FSHR: variants seen among roughly 807,000 people sequenced by gnomAD.
FSHR encodes the protein follicle stimulating hormone receptor.
A neutral mutation model predicts 52.1 loss-of-function variants in FSHR; 46 were observed. The ratio of observed to expected loss-of-function variants is 0.88; its 90% CI spans 0.70 to 1.13. The LOEUF (loss-of-function observed/expected upper bound fraction) is 1.13, where lower values mean the gene tolerates loss of function less well. Among genes scored for constraint, FSHR ranks in the 50% most tolerant of loss-of-function variants. FSHR has a pLI of 0.00. For synonymous variants in FSHR, 399 were observed against 309.6 expected (o/e 1.29, Z -3.03); for missense variants, 964 against 834.6 (o/e 1.16, Z -1.91).
intron 6 of FSHR, 55 bp from the exon 7 acceptor site, chr2:48,983,221 G>C (rs1285710645): frequency 6.5e-7 from 1 of 1,533,820 alleles, no homozygotes; most frequent in Middle Eastern, 1.7e-4. Flanking sequence ...ACAATACACG[G>C]GTTTCATAAT....
chr2:49,112,954 A>T (rs1160734296), intron 1 of FSHR, among the ~76,000 whole-genome samples: 1 of 152,106 alleles, frequency 6.6e-6, no homozygotes, highest in African/African-American at 2.4e-5. Flanking sequence ...AACTGGAGGG[A>T]AAAGAAAAGC....
At chr2:49,102,787 C>T (rs1671082034) in intron 1 of FSHR, among the ~76,000 whole-genome samples, 1 of 151,910 alleles carries the variant, frequency 6.6e-6, no homozygotes, top group African/African-American at 2.4e-5. Context: ...AGATTTGTTT[C>T]TTTAATTCCA....
At chr2:49,076,659 C>T (rs957720580) in intron 1 of FSHR, among the ~76,000 whole-genome samples, 1 of 152,172 alleles carries the variant, frequency 6.6e-6, no homozygotes, top group Non-Finnish European at 1.5e-5. Context: ...AATCCAGAGT[C>T]TCATCTGAGA....
chr2:49,093,909 A>G (rs1200916776), intron 1 of FSHR, among the ~76,000 whole-genome samples: 2 of 144,012 alleles, frequency 1.4e-5, no homozygotes, highest in African/African-American at 2.6e-5. Flanking sequence ...AGCTTTCTAA[A>G]ACATTATATT....
At chr2:49,057,324 AC>A (rs1322183144) in intron 2 of FSHR, among the ~76,000 whole-genome samples, 1 of 152,164 alleles carries the variant, frequency 6.6e-6, no homozygotes, top group African/African-American at 2.4e-5. Flanking sequence ...GAAATGAAAA[AC>A]ATACACAATG....
At chr2:48,993,942 A>T (rs1675904055) in intron 4 of FSHR, among the ~76,000 whole-genome samples, 1 of 152,168 alleles carries the variant, frequency 6.6e-6, no homozygotes. Flanking sequence ...TTCTCAATAT[A>T]ACTGCATCTG....
chr2:48,982,928 A>C lies in FSHR; in HGVS notation c.652T>G (p.Ser218Ala). ...ELPNDVFHGA[S>A]GPVILDISRT... ...GCTACTCACAGAATGACTGGTCCAG[A>C]GGCTCCGTGGAAAACATCATTAGGC... The change falls in exon 8 of 10, where the codon TCT (serine) becomes GCT (alanine). Residue 218 changes from serine to alanine, a missense_variant. By Grantham distance (99) the Ser-to-Ala change is moderately conservative. Coordinates refer to ENST00000406846, the MANE Select transcript of FSHR (RefSeq NM_000145.4). The C allele has an allele frequency of 6.2e-7, 1 of 1,613,850 alleles. No homozygotes were observed. Among genetic ancestry groups the C allele is most frequent in the Non-Finnish European group, 8.5e-7 (1 of 1,179,684 alleles).
At chr2:49,118,470 G>C (rs1345363598) in intron 1 of FSHR, among the ~76,000 whole-genome samples, 1 of 152,190 alleles carries the variant, frequency 6.6e-6, no homozygotes, top group African/African-American at 2.4e-5. Context: ...GGACCGGAGA[G>C]GTGTCATGTG....
chr2:49,061,438 C>T (rs1222974186), intron 2 of FSHR, among the ~76,000 whole-genome samples: 2 of 149,740 alleles, frequency 1.3e-5, no homozygotes, highest in African/African-American at 4.9e-5. Context: ...AACTATGGGT[C>T]AAAAACTGTA....
chr2:48,966,895 G>A (rs912485976), intron 9 of FSHR, among the ~76,000 whole-genome samples: 2 of 152,186 alleles, frequency 1.3e-5, no homozygotes, highest in Non-Finnish European at 2.9e-5. Flanking sequence ...AACCTAGAGG[G>A]ATGAGAGCCG....
At chr2:49,061,450 A>G (rs1669284643) in intron 2 of FSHR, among the ~76,000 whole-genome samples, 1 of 150,870 alleles carries the variant, frequency 6.6e-6, no homozygotes, top group Non-Finnish European at 1.5e-5. Flanking sequence ...AAAACTGTAA[A>G]AAGAGACAAA....
rs776388408 is a variant in FSHR at position 49,032,622 on chromosome 2, T to TA, written c.225-12463dup. Among the ~76,000 whole-genome samples, 19 of 152,126 alleles carry TA rather than the reference T, an allele frequency of 1.2e-4. 1 individual carries two copies. The highest frequency in any genetic ancestry group is 2.2e-4 in the Non-Finnish European group (15 of 68,012). The stretch of plus-strand genomic sequence containing the variant: ...AGTAAGTGATCACTGATGGGCGAAA[T>TA]AAATGAAAAGCACAAAAGCTGTTAT... On this transcript the variant is annotated intron_variant, in intron 2 of 9. Coordinates refer to ENST00000406846, the MANE Select transcript of FSHR (RefSeq NM_000145.4).
chr2:49,046,390 T>C (rs533131989), intron 2 of FSHR, among the ~76,000 whole-genome samples: 1 of 152,260 alleles, frequency 6.6e-6, no homozygotes, highest in Admixed American at 6.5e-5. Flanking sequence ...AACTTTGGAG[T>C]AAGAATGCCT....
At chr2:49,060,092 T>C (rs755906826) in intron 2 of FSHR, among the ~76,000 whole-genome samples, 3 of 152,084 alleles carry the variant, frequency 2.0e-5, no homozygotes, top group Non-Finnish European at 4.4e-5. Flanking sequence ...AACACATATA[T>C]GGAAAAATGC....
chr2:49,068,504 A>T (rs540201458), intron 1 of FSHR, among the ~76,000 whole-genome samples: 129 of 152,188 alleles, frequency 8.5e-4, no homozygotes, highest in Admixed American at 1.5e-3. Context: ...ACTAGAGTTT[A>T]GGGAGAACAA....
chr2:49,047,749 G>T (rs1043190392), intron 2 of FSHR, among the ~76,000 whole-genome samples: 2 of 152,184 alleles, frequency 1.3e-5, no homozygotes, highest in Non-Finnish European at 2.9e-5. Flanking sequence ...TGGGAAAGAA[G>T]AATTATGAAC....
intron 1 of FSHR, among the ~76,000 whole-genome samples, chr2:49,084,457 C>A (rs189396157): frequency 2.0e-5 from 3 of 152,006 alleles, no homozygotes; most frequent in East Asian, 1.9e-4. Context: ...AGAGCAAACA[C>A]ATTCAAAAGC....
chr2:49,071,615 G>C (rs74490587), intron 1 of FSHR, among the ~76,000 whole-genome samples: 2,640 of 152,238 alleles, frequency 0.017, 81 homozygotes, highest in African/African-American at 0.06. Flanking sequence ...GAATGTTTTA[G>C]TTCATTTGTG....
chr2:49,135,677 T>C (rs925553000), intron 1 of FSHR, among the ~76,000 whole-genome samples: 5 of 152,146 alleles, frequency 3.3e-5, no homozygotes, highest in African/African-American at 4.8e-5. Context: ...AATTCACGCA[T>C]AACTTCGAAT....
Sources: gnomAD v4.1 joint callset for allele counts (sites outside exome capture counted in the v4.1 genomes callset) on GRCh38, gnomAD v4.1.1 for gene constraint, MANE v1.5 for transcripts, NCBI Gene and HGNC (gene_info 2026-07-23, HGNC 2026-07-21) for gene names.